The following PIK3C2G variants were observed in gnomAD, a reference collection of about 807,000 sequenced individuals.
PIK3C2G encodes phosphatidylinositol-4-phosphate 3-kinase catalytic subunit type 2 gamma.
PIK3C2G carries 168 observed loss-of-function variants against 181.1 expected under a neutral mutation model. The observed-to-expected ratio is 0.93, with a 90% CI of 0.82 to 1.05. The LOEUF (loss-of-function observed/expected upper bound fraction) is 1.05. PIK3C2G is among the 50% of genes least tolerant of loss of function. PIK3C2G has a pLI of 0.00. For synonymous variants in PIK3C2G, 573 were observed against 592.2 expected (o/e 0.97, Z 0.47); for missense variants, 1,869 against 1,732.8 (o/e 1.08, Z -1.40).
chr12:18,281,268 CAAAA>C (rs59791930), intron 1 of PIK3C2G, among the ~76,000 whole-genome samples: 2 of 73,740 alleles, frequency 2.7e-5, no homozygotes, highest in East Asian at 4.5e-4. Flanking sequence ...GCATAATAGG[CAAAA>C]AAAAAAAAAA....
the PIK3C2G span, among the ~76,000 whole-genome samples, chr12:18,688,732 T>G: frequency 6.6e-6 from 1 of 152,078 alleles, no homozygotes; most frequent in Non-Finnish European, 1.5e-5. Context: ...ATAATAATTG[T>G]ATTTAAACTT....
At chr12:18,540,154 G>C (rs1944074819) in intron 25 of PIK3C2G, among the ~76,000 whole-genome samples, 1 of 151,800 alleles carries the variant, frequency 6.6e-6, no homozygotes, top group Non-Finnish European at 1.5e-5. Flanking sequence ...CCACAGGCTA[G>C]AAATTGCAAG....
At chr12:18,638,359 C>T (rs1949692292) in intron 31 of PIK3C2G, among the ~76,000 whole-genome samples, 1 of 152,148 alleles carries the variant, frequency 6.6e-6, no homozygotes, top group Non-Finnish European at 1.5e-5. Context: ...GGTAAGGAGG[C>T]CACTTCCACT....
intron 26 of PIK3C2G, among the ~76,000 whole-genome samples, chr12:18,557,783 T>C (rs1370121039): frequency 6.6e-6 from 1 of 152,172 alleles, no homozygotes; most frequent in African/African-American, 2.4e-5. Flanking sequence ...AATTAAAAGT[T>C]AGTACAAGAT....
intron 24 of PIK3C2G, among the ~76,000 whole-genome samples, chr12:18,518,322 CTT>C (rs2136170218): frequency 6.6e-6 from 1 of 152,282 alleles, no homozygotes; most frequent in South Asian, 2.1e-4. Flanking sequence ...ATCAGCTCCT[CTT>C]TGTACCACTG....
At chr12:18,712,746 A>G in the PIK3C2G span, 6 of 1,427,812 alleles carry the variant, frequency 4.2e-6, no homozygotes, top group African/African-American at 4.2e-5. Flanking sequence ...TTGAAATATC[A>G]TCTAAAGTAA....
At chr12:18,287,978 G>A (rs1409394577) in intron 3 of PIK3C2G, among the ~76,000 whole-genome samples, 7 of 151,960 alleles carry the variant, frequency 4.6e-5, no homozygotes, top group East Asian at 1.9e-4. Flanking sequence ...CCTGGCCAAC[G>A]TGGTGAAACC....
At chr12:18,560,955 C>G (rs1397004889) in intron 26 of PIK3C2G, among the ~76,000 whole-genome samples, 3 of 152,104 alleles carry the variant, frequency 2.0e-5, no homozygotes, top group Non-Finnish European at 4.4e-5. Flanking sequence ...GAACAGTAAT[C>G]CTTTATTCCA....
chr12:18,654,797 G>A, the PIK3C2G span, among the ~76,000 whole-genome samples: 1 of 152,166 alleles, frequency 6.6e-6, no homozygotes, highest in Non-Finnish European at 1.5e-5. Context: ...CAAGGGATAA[G>A]TGACAAACAT....
chr12:18,275,412 G>A (rs1052392970), intron 1 of PIK3C2G, among the ~76,000 whole-genome samples: 5 of 151,550 alleles, frequency 3.3e-5, no homozygotes, highest in African/African-American at 7.3e-5. Flanking sequence ...ATGGAGTTTC[G>A]CTCTTGTTGC....
At chr12:18,435,965 A>C (rs758067345) in intron 18 of PIK3C2G, among the ~76,000 whole-genome samples, 2 of 151,112 alleles carry the variant, frequency 1.3e-5, no homozygotes, top group Non-Finnish European at 2.9e-5. Context: ...GCTACAAGTA[A>C]CAAAAAAAAA....
At chr12:18,309,134 T>C (rs1565582259) in intron 5 of PIK3C2G, among the ~76,000 whole-genome samples, 1 of 151,012 alleles carries the variant, frequency 6.6e-6, no homozygotes, top group African/African-American at 2.4e-5. Flanking sequence ...ATGTGGAATA[T>C]AAAAAAAAAT....
chr12:18,659,663 C>CTTTTTTTTTTTTTTTT, the PIK3C2G span, among the ~76,000 whole-genome samples: 1 of 133,824 alleles, frequency 7.5e-6, no homozygotes, highest in Non-Finnish European at 1.6e-5. Context: ...GTTCTCCATT[C>CTTTTTTTTTTTTTTTT]TTTTTTTTTT....
intron 18 of PIK3C2G, among the ~76,000 whole-genome samples, chr12:18,446,283 C>T (rs1007088082): frequency 1.9e-4 from 29 of 152,142 alleles, no homozygotes; most frequent in Non-Finnish European, 4.1e-4. Context: ...GGAGGTTCAC[C>T]TCCGTGGACA....
At chr12:18,659,663 C>CTTTTTTT in the PIK3C2G span, among the ~76,000 whole-genome samples, 8 of 133,764 alleles carry the variant, frequency 6.0e-5, no homozygotes, top group Non-Finnish European at 7.9e-5. Context: ...GTTCTCCATT[C>CTTTTTTT]TTTTTTTTTT....
chr12:18,547,840 A>G lies in PIK3C2G; in HGVS notation c.3590+1408A>G, dbSNP rs1020037332. ...TTGATGTTCGACTGTGGCCAAAGAC[A>G]TTAGCTTGAAGACTTGGGGAGGTAT... On this transcript the variant is annotated intron_variant, in intron 26 of 32. Transcript: ENST00000538779. Among the ~76,000 whole-genome samples, 8 of 151,938 alleles carry G rather than the reference A, an allele frequency of 5.3e-5. 1 individual carries two copies. Among genetic ancestry groups the G allele is most frequent in the Non-Finnish European group, 1.2e-4 (8 of 67,952 alleles).
At chr12:18,425,690 G>A (rs1028545735) in intron 18 of PIK3C2G, among the ~76,000 whole-genome samples, 1 of 151,982 alleles carries the variant, frequency 6.6e-6, no homozygotes, top group Non-Finnish European at 1.5e-5. Flanking sequence ...AAGCCCAGCT[G>A]ACATTTCTTC....
intron 17 of PIK3C2G, 29 bp downstream of exon 17, chr12:18,421,063 C>G: frequency 8.2e-7 from 1 of 1,220,858 alleles, no homozygotes. Context: ...CTAAGGAAAC[C>G]CAGGGTTTTA....
intron 8 of PIK3C2G, among the ~76,000 whole-genome samples, chr12:18,326,192 T>C (rs1951339303): frequency 1.3e-5 from 2 of 152,174 alleles, no homozygotes; most frequent in African/African-American, 4.8e-5. Context: ...GCAGAGGGAA[T>C]GATGGGTTCA....
Sources: gnomAD v4.1 joint callset for allele counts (sites outside exome capture counted in the v4.1 genomes callset) on GRCh38, gnomAD v4.1.1 for gene constraint, MANE v1.5 for transcripts, NCBI Gene and HGNC (gene_info 2026-07-23, HGNC 2026-07-21) for gene names.